MACROD2: variants seen among roughly 807,000 people sequenced by gnomAD.
The protein encoded by MACROD2 is ADP-ribose glycohydrolase MACROD2.
In MACROD2, 36 loss-of-function variants were observed where a neutral mutation model predicts 70.4. That is an observed-to-expected ratio of 0.51 (90% CI 0.39 to 0.68). The LOEUF (loss-of-function observed/expected upper bound fraction) is 0.68, where lower values mean the gene tolerates loss of function less well. MACROD2 is among the 30% of genes least tolerant of loss of function. MACROD2 has a pLI of 0.00. For missense variants in MACROD2, 496 were observed against 538.4 expected, an observed-to-expected ratio of 0.92 and a Z score of 0.78; for synonymous variants, 172 against 178.8, an observed-to-expected ratio of 0.96 and a Z score of 0.30.
At chr20:15,797,105 G>T (rs1177236840) in intron 8 of MACROD2, among the ~76,000 whole-genome samples, 1 of 151,624 alleles carries the variant, frequency 6.6e-6, no homozygotes, top group East Asian at 1.9e-4. Context: ...TTCTTTTTTT[G>T]TTTGTTTGTT....
intron 5 of MACROD2, among the ~76,000 whole-genome samples, chr20:15,169,527 T>A (rs1454827820): frequency 6.6e-6 from 1 of 152,200 alleles, no homozygotes; most frequent in East Asian, 1.9e-4. Flanking sequence ...GTACAAGACA[T>A]TTATTTGCAA....
intron 4 of MACROD2, among the ~76,000 whole-genome samples, chr20:14,610,337 T>A (rs2123426339): frequency 6.6e-6 from 1 of 152,256 alleles, no homozygotes; most frequent in African/African-American, 2.4e-5. Context: ...TAAAGTAGCA[T>A]GGGGATTTTT....
chr20:15,477,099 G>GTTTTTTTT (rs371999407), intron 7 of MACROD2, among the ~76,000 whole-genome samples: 1 of 115,392 alleles, frequency 8.7e-6, no homozygotes, highest in Non-Finnish European at 1.7e-5. Context: ...TCTATTTTTA[G>GTTTTTTTT]TTTTTTTTTT....
intron 6 of MACROD2, among the ~76,000 whole-genome samples, chr20:15,376,541 A>G (rs1203301583): frequency 6.6e-6 from 1 of 152,222 alleles, no homozygotes; most frequent in Non-Finnish European, 1.5e-5. Context: ...AATGCCACTA[A>G]TTTCAGTAAA....
At chr20:15,793,839 T>C (rs1444830332) in intron 8 of MACROD2, among the ~76,000 whole-genome samples, 1 of 147,382 alleles carries the variant, frequency 6.8e-6, no homozygotes, top group Non-Finnish European at 1.5e-5. Context: ...CTATATTATA[T>C]AAATAAATAT....
At chr20:14,332,245 T>G (rs1326495166) in intron 3 of MACROD2, among the ~76,000 whole-genome samples, 1 of 152,124 alleles carries the variant, frequency 6.6e-6, no homozygotes, top group African/African-American at 2.4e-5. Context: ...GTCTGAAAGC[T>G]TCCAATTTAT....
rs562348056 is a variant in MACROD2 at position 14,046,748 on chromosome 20, T to TTTAC, written c.164-38870_164-38869insCTTA. Among the ~76,000 whole-genome samples, 241 of 151,118 alleles carry TTTAC rather than the reference T, an allele frequency of 1.6e-3. 12 individuals carry two copies. The highest frequency in any genetic ancestry group is 4.9e-3 in the Admixed American group (75 of 15,226). ...ATTTATTTATTTATTTATTTATTTA[T>TTTAC]TTATTTATTAAGCTGTTTGTGATCC... is the stretch of plus-strand genomic sequence containing the variant. On this transcript the variant is annotated intron_variant, in intron 2 of 17. Transcript: ENST00000684519.
At chr20:14,809,170 C>G (rs2072677353) in intron 5 of MACROD2, among the ~76,000 whole-genome samples, 1 of 152,044 alleles carries the variant, frequency 6.6e-6, no homozygotes, top group African/African-American at 2.4e-5. Context: ...CTAAAATCAA[C>G]CGCATAATTG....
chr20:14,150,538 G>A (rs936331773), intron 3 of MACROD2, among the ~76,000 whole-genome samples: 15 of 152,120 alleles, frequency 9.9e-5, no homozygotes, highest in Non-Finnish European at 1.5e-4. Flanking sequence ...GACTTTAAGT[G>A]TAAATAACTA....
At chr20:15,107,998 T>A (rs2075924789) in intron 5 of MACROD2, among the ~76,000 whole-genome samples, 1 of 151,050 alleles carries the variant, frequency 6.6e-6, no homozygotes, top group Non-Finnish European at 1.5e-5. Context: ...TTTTTTTTTT[T>A]ACATTTTTTT....
intron 8 of MACROD2, among the ~76,000 whole-genome samples, chr20:15,788,122 T>C (rs948500215): frequency 5.3e-5 from 8 of 152,200 alleles, no homozygotes; most frequent in African/African-American, 1.9e-4. Flanking sequence ...TGATCTCTGT[T>C]AGCCATGAAG....
At chr20:15,557,651 A>C (rs184926932) in intron 8 of MACROD2, among the ~76,000 whole-genome samples, 1 of 152,236 alleles carries the variant, frequency 6.6e-6, no homozygotes, top group African/African-American at 2.4e-5. Flanking sequence ...CTTTAGCCCA[A>C]GTAATGGTCA....
rs141378568 is a variant in MACROD2, at chr20:14,352,109, G to C, written c.272-141370G>C. ...TCATAATGAATGATCTTTTCAATAA[G>C]TTGTTTAATGCAATTTGCTAGTATT... On this transcript the variant is annotated intron_variant, in intron 3 of 17. Coordinates refer to ENST00000684519, the MANE Select transcript of MACROD2 (RefSeq NM_001351661.2). Among the ~76,000 whole-genome samples, 153 of 152,270 alleles carry C rather than the reference G, an allele frequency of 1.0e-3. 1 individual carries two copies. The highest frequency in any genetic ancestry group is 3.3e-3 in the African/African-American group (136 of 41,562).
chr20:15,016,881 C>A (rs2075125845), intron 5 of MACROD2, among the ~76,000 whole-genome samples: 1 of 152,090 alleles, frequency 6.6e-6, no homozygotes, highest in South Asian at 2.1e-4. Context: ...AAGACCAGCC[C>A]CCATGATTCA....
At position 14,058,489 on chromosome 20, in the gene MACROD2, A is replaced by C. The variant is rs536621573; in HGVS notation, c.164-27132A>C. On this transcript the variant is annotated intron_variant, in intron 2 of 17. Coordinates refer to ENST00000684519, the MANE Select transcript of MACROD2 (RefSeq NM_001351661.2). ...TCTCTTATATTTTGGTTTTGTTTTT[A>C]TTTTCATTTGTTGATTATATCTTTG... Among the ~76,000 whole-genome samples the C allele has an allele frequency of 4.0e-5, 6 of 150,420 alleles. No individual in the cohort carries two copies. In the South Asian group the frequency reaches 1.3e-3, roughly 32 times the overall value.
intron 5 of MACROD2, among the ~76,000 whole-genome samples, chr20:14,789,994 A>G (rs1050217856): frequency 6.6e-6 from 1 of 152,104 alleles, no homozygotes; most frequent in African/African-American, 2.4e-5. Flanking sequence ...AAATATGTAA[A>G]TGATTACTTA....
At chr20:15,172,251 T>C (rs2076428230) in intron 5 of MACROD2, among the ~76,000 whole-genome samples, 1 of 151,788 alleles carries the variant, frequency 6.6e-6, no homozygotes, top group Non-Finnish European at 1.5e-5. Flanking sequence ...CCTCAGGGAC[T>C]CCAGTGGAAA....
At chr20:14,752,538 C>A (rs992154948) in intron 5 of MACROD2, among the ~76,000 whole-genome samples, 2 of 152,086 alleles carry the variant, frequency 1.3e-5, no homozygotes, top group Admixed American at 6.6e-5. Context: ...ATTGTATTAT[C>A]TTCTGAACCT....
At chr20:15,011,186 T>A (rs2075079656) in intron 5 of MACROD2, among the ~76,000 whole-genome samples, 1 of 152,152 alleles carries the variant, frequency 6.6e-6, no homozygotes, top group Non-Finnish European at 1.5e-5. Flanking sequence ...ACCTTTGAGT[T>A]GACACCACTT....
Sources: gnomAD v4.1 joint callset for allele counts (sites outside exome capture counted in the v4.1 genomes callset) on GRCh38, gnomAD v4.1.1 for gene constraint, MANE v1.5 for transcripts, NCBI Gene and HGNC (gene_info 2026-07-23, HGNC 2026-07-21) for gene names.